Variants in MITF observed in about 807,000 individuals in gnomAD.
The protein encoded by MITF is melanocyte inducing transcription factor.
Under a neutral mutation model 60.5 loss-of-function variants are expected in MITF, and 17 were observed. The ratio of observed to expected loss-of-function variants is 0.28; its 90% CI spans 0.19 to 0.42. The LOEUF is 0.42. MITF is among the 10% of genes least tolerant of loss of function. The pLI is 1.00. For synonymous variants in MITF, 260 were observed against 248.5 expected (o/e 1.05, Z -0.43); for missense variants, 622 against 683.5 (o/e 0.91, Z 1.00).
At chr3:69,759,052 A>G (rs917607801) in intron 1 of MITF, among the ~76,000 whole-genome samples, 24 of 152,176 alleles carry the variant, frequency 1.6e-4, no homozygotes, top group Admixed American at 5.9e-4. Flanking sequence ...AATTCTCATT[A>G]TTTTTGTTTT....
At chr3:69,882,520 T>C (rs1010471035) in intron 2 of MITF, among the ~76,000 whole-genome samples, 2 of 152,094 alleles carry the variant, frequency 1.3e-5, no homozygotes, top group Non-Finnish European at 2.9e-5. Context: ...CATTTTTTTG[T>C]AATGGTGAAC....
intron 1 of MITF, among the ~76,000 whole-genome samples, chr3:69,750,681 G>C (rs1370178821): frequency 6.6e-6 from 1 of 151,974 alleles, no homozygotes; most frequent in Non-Finnish European, 1.5e-5. Context: ...TGTTTGGTAG[G>C]TCTGGAGTAG....
chr3:69,828,877 A>C (rs4579020), intron 1 of MITF, among the ~76,000 whole-genome samples: 23,560 of 151,560 alleles, frequency 0.16, 2,115 homozygotes, highest in South Asian at 0.21. Flanking sequence ...GCAGAGCTTT[A>C]TTTTTTTTCA....
chr3:69,880,066 T>C (rs1168979151), intron 2 of MITF, among the ~76,000 whole-genome samples: 1 of 152,202 alleles, frequency 6.6e-6, no homozygotes, highest in East Asian at 1.9e-4. Context: ...ATACTCCTTG[T>C]TTAAGAATAA....
intron 2 of MITF, among the ~76,000 whole-genome samples, chr3:69,885,923 T>C (rs529112227): frequency 6.6e-6 from 1 of 152,146 alleles, no homozygotes; most frequent in Non-Finnish European, 1.5e-5. Flanking sequence ...GAACTTTACC[T>C]GTATTGACTC....
At chr3:69,822,519 A>G (rs1439428816) in intron 1 of MITF, among the ~76,000 whole-genome samples, 1 of 152,246 alleles carries the variant, frequency 6.6e-6, no homozygotes, top group Non-Finnish European at 1.5e-5. Flanking sequence ...ACACAGACTA[A>G]AGGGCATATT....
chr3:69,751,095 A>C (rs969033836), intron 1 of MITF, among the ~76,000 whole-genome samples: 1 of 152,190 alleles, frequency 6.6e-6, no homozygotes, highest in Non-Finnish European at 1.5e-5. Flanking sequence ...TACACTCTAA[A>C]AGTGTGAAAC....
intron 9 of MITF, among the ~76,000 whole-genome samples, chr3:69,960,905 G>T (rs2066525730): frequency 6.6e-6 from 1 of 152,130 alleles, no homozygotes; most frequent in South Asian, 2.1e-4. Context: ...TGGGGAGGTG[G>T]GAAGCCACTT....
intron 2 of MITF, among the ~76,000 whole-genome samples, chr3:69,902,755 CTT>C (rs2065020211): frequency 6.6e-6 from 1 of 152,004 alleles, no homozygotes; most frequent in Non-Finnish European, 1.5e-5. Flanking sequence ...ACATTCAATT[CTT>C]TGTCTTTGAC....
chr3:69,826,887 C>T (rs1472727153), intron 1 of MITF, among the ~76,000 whole-genome samples: 4 of 152,178 alleles, frequency 2.6e-5, no homozygotes, highest in Non-Finnish European at 5.9e-5. Flanking sequence ...TCAGGGCCTG[C>T]ACATGCTTTA....
intron 1 of MITF, chr3:69,763,409 A>G (rs1206073155): frequency 2.0e-6 from 1 of 506,448 alleles, no homozygotes; most frequent in Non-Finnish European, 2.7e-6. Context: ...GTTGATGTAA[A>G]GTCTATTTTA....
rs371762382 is a variant in MITF at position 69,791,727 on chromosome 3, T to G, written c.104+52026T>G. ...CTAATGGCAAGTAGAGGCAAAATAC[T>G]GGAATGCAGCAGTTGTGCGTTTTTC... On this transcript the variant is annotated intron_variant, in intron 1 of 9. Coordinates refer to ENST00000352241, the MANE Select transcript of MITF (RefSeq NM_001354604.2). 2.1e-4 allele frequency among the ~76,000 whole-genome samples: 32 copies of G among 152,336 alleles called. No homozygotes were observed. In the East Asian group the frequency reaches 5.0e-3, roughly 24 times the overall value.
intron 2 of MITF, among the ~76,000 whole-genome samples, chr3:69,922,684 A>G (rs2107436289): frequency 6.6e-6 from 1 of 152,300 alleles, no homozygotes; most frequent in Admixed American, 6.5e-5. Context: ...TTTCTTTCTT[A>G]TAAAAGACAT....
intron 1 of MITF, among the ~76,000 whole-genome samples, chr3:69,767,755 A>T (rs927547051): frequency 6.6e-6 from 1 of 152,110 alleles, no homozygotes; most frequent in Non-Finnish European, 1.5e-5. Flanking sequence ...CCAGCTTCAT[A>T]CAGAGGAATA....
intron 2 of MITF, among the ~76,000 whole-genome samples, chr3:69,905,607 A>G (rs1575929310): frequency 6.6e-6 from 1 of 152,282 alleles, no homozygotes. Context: ...CCAGCAATGT[A>G]TGAGAGTTCT....
At position 69,908,095 on chromosome 3, in the gene MITF, T is replaced by A. The variant is rs542710937; in HGVS notation, c.354+28712T>A. ...GGAAACCTTATGGGGCTTTTGCCTT[T>A]TGATCTTGCTATAGAATCTAGATGG... is the stretch of plus-strand genomic sequence containing the variant. On this transcript the variant is annotated intron_variant, in intron 2 of 9. Coordinates refer to ENST00000352241, the MANE Select transcript of MITF (RefSeq NM_001354604.2). 2.0e-5 allele frequency among the ~76,000 whole-genome samples: 3 copies of A among 150,720 alleles called. No homozygotes were observed. In the South Asian group the frequency reaches 6.4e-4, roughly 32 times the overall value.
At chr3:69,779,651 C>T (rs187536544) in intron 1 of MITF, among the ~76,000 whole-genome samples, 32 of 151,850 alleles carry the variant, frequency 2.1e-4, no homozygotes, top group Admixed American at 1.7e-3. Flanking sequence ...TAAAAATTCA[C>T]GGAAACTTAA....
intron 1 of MITF, among the ~76,000 whole-genome samples, chr3:69,750,815 T>C (rs1366428785): frequency 1.3e-5 from 2 of 152,136 alleles, no homozygotes; most frequent in Non-Finnish European, 2.9e-5. Context: ...GGTGATTTGC[T>C]CAATGAACTT....
chr3:69,880,561 G>A (rs946774338), intron 2 of MITF, among the ~76,000 whole-genome samples: 11 of 152,062 alleles, frequency 7.2e-5, no homozygotes, highest in Admixed American at 2.0e-4. Context: ...TATTGCCACA[G>A]TTAATGGATT....
Sources: allele counts gnomAD v4.1 joint callset (sites outside exome capture counted in the v4.1 genomes callset), GRCh38; gene constraint gnomAD v4.1.1; transcripts MANE v1.5; gene names NCBI Gene and HGNC (gene_info 2026-07-23, HGNC 2026-07-21).